The following HHIPL2 variants were observed in gnomAD, a reference collection of about 807,000 sequenced individuals.
HHIPL2 encodes the protein HHIP-like protein 2.
HHIPL2 carries 61 observed loss-of-function variants against 61.0 expected under a neutral mutation model. The observed-to-expected ratio is 1.00, with a 90% CI of 0.81 to 1.24. The LOEUF (loss-of-function observed/expected upper bound fraction) is 1.24, where lower values mean the gene tolerates loss of function less well. Among genes scored for constraint, HHIPL2 ranks in the 50% most tolerant of loss-of-function variants. The pLI is 0.00. For missense variants in HHIPL2, 885 were observed against 910.2 expected, an observed-to-expected ratio of 0.97 and a Z score of 0.36; for synonymous variants, 343 against 357.4, an observed-to-expected ratio of 0.96 and a Z score of 0.45.
chr1:222,529,728 A>C (rs1347458230), intron 6 of HHIPL2, among the ~76,000 whole-genome samples: 1 of 152,208 alleles, frequency 6.6e-6, no homozygotes. Context: ...TTCAGTGACT[A>C]ACTTTCAGAA....
chr1:222,540,741 G>A (rs535844765), intron 3 of HHIPL2, among the ~76,000 whole-genome samples: 105 of 152,274 alleles, frequency 6.9e-4, no homozygotes, highest in Admixed American at 2.3e-3. Context: ...TTAACAACGT[G>A]GTCAGTTAAA....
intron 5 of HHIPL2, among the ~76,000 whole-genome samples, chr1:222,538,246 G>A (rs981479224): frequency 1.4e-4 from 18 of 125,734 alleles, no homozygotes. Flanking sequence ...GTGTGTGTGT[G>A]TGTATGTATG....
Position 222,527,020 on chromosome 1 carries a change from G to A in HHIPL2, c.1754C>T (p.Pro585Leu). ...AGATCCACGTGGTGCATAGGCACTTGGGTAAGAGGTCGCCAGGAAATACAG... is the reference window on the plus strand; with the variant it reads ...AGATCCACGTGGTGCATAGGCACTTAGGTAAGAGGTCGCCAGGAAATACAG... ...GELYFLATSY[P>L]SAYAPRGSIY... Residue 585 changes from proline to leucine, a missense_variant, in exon 7 of 9, where the codon CCA becomes CTA. Transcript: ENST00000343410. 2 of 1,613,640 alleles carry A rather than the reference G, an allele frequency of 1.2e-6. No individual in the cohort carries two copies. The highest frequency in any genetic ancestry group is 1.7e-6 in the Non-Finnish European group (2 of 1,179,822).
At chr1:222,539,163 GA>G (rs1659369579) in intron 4 of HHIPL2, 1 of 173,752 alleles carries the variant, frequency 5.8e-6, no homozygotes, top group African/African-American at 2.4e-5. Flanking sequence ...AGACTAAGAA[GA>G]AGTAATAGAG....
chr1:222,537,154 C>G (rs1021962744), intron 5 of HHIPL2, among the ~76,000 whole-genome samples: 1 of 151,856 alleles, frequency 6.6e-6, no homozygotes, highest in Non-Finnish European at 1.5e-5. Flanking sequence ...TATTAAGAAA[C>G]TAAAAATTTT....
intron 6 of HHIPL2, among the ~76,000 whole-genome samples, chr1:222,530,802 T>A (rs1424413620): frequency 1.3e-5 from 2 of 152,194 alleles, no homozygotes; most frequent in African/African-American, 4.8e-5. Flanking sequence ...TTTAATTATT[T>A]TTTTTTCACC....
chr1:222,523,806 C>T (rs1659006020), intron 7 of HHIPL2, 112 bp from the exon 8 acceptor site: 3 of 925,646 alleles, frequency 3.2e-6, no homozygotes, highest in Admixed American at 1.8e-5. Context: ...CTTTACTTAT[C>T]CATGGGGATG....
At chr1:222,528,387 A>G (rs1448143899) in intron 6 of HHIPL2, among the ~76,000 whole-genome samples, 2 of 152,242 alleles carry the variant, frequency 1.3e-5, no homozygotes, top group African/African-American at 4.8e-5. Flanking sequence ...CAGGTGGATC[A>G]CCTGAGGTAA....
chr1:222,532,578 C>A (rs1659215764), intron 5 of HHIPL2, among the ~76,000 whole-genome samples: 1 of 150,870 alleles, frequency 6.6e-6, no homozygotes, highest in South Asian at 2.1e-4. Flanking sequence ...CATGCCACTG[C>A]ACACTCCAGC....
chr1:222,543,443 A>G, intron 2 of HHIPL2, 94 bp downstream of exon 2: 2 of 1,253,090 alleles, frequency 1.6e-6, no homozygotes, highest in South Asian at 1.4e-5. Context: ...GTAGTGCTCT[A>G]AAACCAGTGA....
intron 6 of HHIPL2, among the ~76,000 whole-genome samples, chr1:222,529,888 C>T (rs1373208714): frequency 2.0e-5 from 3 of 152,100 alleles, no homozygotes; most frequent in Non-Finnish European, 4.4e-5. Context: ...AAGTGACTTA[C>T]CTAAAGCCAG....
intron 4 of HHIPL2, 142 bp downstream of exon 4, chr1:222,539,868 T>C (rs1571774423): frequency 1.5e-6 from 1 of 678,268 alleles, no homozygotes; most frequent in Non-Finnish European, 2.5e-6. Flanking sequence ...GGAGGACCGG[T>C]TGGAGAAGCA....
intron 5 of HHIPL2, among the ~76,000 whole-genome samples, chr1:222,534,118 G>C (rs954222635): frequency 6.6e-6 from 1 of 152,208 alleles, no homozygotes; most frequent in Non-Finnish European, 1.5e-5. Context: ...CCTTGGATCT[G>C]TTTAGCAAAT....
At chr1:222,522,966 G>C in intron 8 of HHIPL2, 79 bp from the exon 9 acceptor site, 1 of 1,152,278 alleles carries the variant, frequency 8.7e-7, no homozygotes, top group Non-Finnish European at 1.2e-6. Context: ...CTGCATTATA[G>C]TTCTTTAATA....
In HHIPL2 at chr1:222,540,008, A is replaced by C. The variant is rs775738769; in HGVS notation, c.1450+2T>G. 2.4e-5 allele frequency: 38 copies of C among 1,611,648 alleles called. No homozygotes were observed. The highest frequency in any genetic ancestry group is 3.2e-5 in the Non-Finnish European group (38 of 1,178,176). On this transcript the variant is annotated splice_donor_variant, in intron 4 of 8. Transcript: ENST00000343410. LOFTEE classifies it high-confidence loss of function. ...AAATCACCCAGAGAGCTTCTTACTTACCCAAAGAGGCATTGTGACAAAGTT... is the reference window on the plus strand; with the variant it reads ...AAATCACCCAGAGAGCTTCTTACTTCCCCAAAGAGGCATTGTGACAAAGTT...
At chr1:222,532,229 A>G (rs1659208139) in intron 5 of HHIPL2, 118 bp from the exon 6 acceptor site, 2 of 844,706 alleles carry the variant, frequency 2.4e-6, no homozygotes, top group Non-Finnish European at 3.4e-6. Flanking sequence ...TAAGAGATCA[A>G]TAACTAGCCT....
At chr1:222,528,189 C>G (rs1201261172) in intron 6 of HHIPL2, among the ~76,000 whole-genome samples, 1 of 152,204 alleles carries the variant, frequency 6.6e-6, no homozygotes, top group Admixed American at 6.5e-5. Flanking sequence ...TTTCTGATAA[C>G]ACCAGTTCCT....
chr1:222,536,018 A>G lies in HHIPL2; in HGVS notation c.1577+2630T>C, dbSNP rs1457329371. On this transcript the variant is annotated intron_variant, in intron 5 of 8. Transcript: ENST00000343410. The stretch of plus-strand genomic sequence containing the variant: ...TAAAGTAGTACTCGGGGGGAAATTT[A>G]TAGCACTAAACACATATATTAGAAA... Among the ~76,000 whole-genome samples the G allele has an allele frequency of 2.0e-5, 3 of 152,154 alleles. No individual in the cohort carries two copies. In the East Asian group the frequency reaches 5.8e-4, roughly 29 times the overall value.
intron 2 of HHIPL2, 83 bp from the exon 3 acceptor site, chr1:222,542,238 G>C: frequency 2.0e-6 from 3 of 1,498,220 alleles, no homozygotes; most frequent in Admixed American, 2.3e-5. Context: ...AAATGACTGG[G>C]CCAAGCCACC....
Sources: allele counts gnomAD v4.1 joint callset (sites outside exome capture counted in the v4.1 genomes callset), GRCh38; gene constraint gnomAD v4.1.1; transcripts MANE v1.5; gene names NCBI Gene and HGNC (gene_info 2026-07-23, HGNC 2026-07-21).